FHOD3: variants seen among roughly 807,000 people sequenced by gnomAD.
FHOD3 encodes the protein formin homology 2 domain containing 3, also known as FH1/FH2 domain-containing protein 3.
A neutral mutation model predicts 173.0 loss-of-function variants in FHOD3; 90 were observed. That is an observed-to-expected ratio of 0.52 (90% CI 0.44 to 0.62). FHOD3 has a LOEUF of 0.62. Ranked by LOEUF, FHOD3 falls within the 20% of genes least tolerant of loss-of-function variation. FHOD3 has a pLI of 0.00. For missense variants in FHOD3, 1,945 were observed against 2,034.7 expected (o/e 0.96, Z 0.85); for synonymous variants, 828 against 823.0 (o/e 1.01, Z -0.10).
At chr18:36,675,811 G>C (rs2037820109) in intron 14 of FHOD3, among the ~76,000 whole-genome samples, 1 of 152,140 alleles carries the variant, frequency 6.6e-6, no homozygotes, top group Non-Finnish European at 1.5e-5. Context: ...AGATGAATGA[G>C]AAAATAGGAT....
chr18:36,693,576 T>C (rs909608684), intron 17 of FHOD3, among the ~76,000 whole-genome samples, 153 bp downstream of exon 17: 9 of 152,350 alleles, frequency 5.9e-5, no homozygotes, highest in Admixed American at 3.3e-4. Flanking sequence ...TGCAACTGCC[T>C]GGTCACTAAC....
intron 25 of FHOD3, among the ~76,000 whole-genome samples, chr18:36,756,067 G>A (rs997781901): frequency 6.6e-6 from 1 of 152,164 alleles, no homozygotes; most frequent in South Asian, 2.1e-4. Flanking sequence ...GATGCATGAC[G>A]ATGCCAGAGA....
intron 5 of FHOD3, among the ~76,000 whole-genome samples, chr18:36,541,149 G>A (rs1342090107): frequency 6.6e-6 from 1 of 151,190 alleles, no homozygotes; most frequent in Admixed American, 6.6e-5. Context: ...TACTCTGGAG[G>A]CTGAGGAAGG....
chr18:36,694,523 ACT>A (rs2039146888), intron 17 of FHOD3, among the ~76,000 whole-genome samples: 1 of 151,924 alleles, frequency 6.6e-6, no homozygotes, highest in Non-Finnish European at 1.5e-5. Flanking sequence ...AAATATTGAG[ACT>A]CTGAAAGTCA....
intron 3 of FHOD3, among the ~76,000 whole-genome samples, chr18:36,415,212 C>T (rs1451794527): frequency 6.6e-6 from 1 of 152,188 alleles, no homozygotes; most frequent in African/African-American, 2.4e-5. Flanking sequence ...AAGGTGAGTC[C>T]ACTGCCAGAA....
intron 5 of FHOD3, among the ~76,000 whole-genome samples, chr18:36,530,856 T>G (rs1454237770): frequency 6.6e-6 from 1 of 152,208 alleles, no homozygotes; most frequent in Non-Finnish European, 1.5e-5. Context: ...TGCTTCTTAG[T>G]AGCTGGGGCT....
intron 3 of FHOD3, among the ~76,000 whole-genome samples, chr18:36,431,008 T>A (rs990858331): frequency 6.6e-6 from 1 of 152,170 alleles, no homozygotes; most frequent in Non-Finnish European, 1.5e-5. Flanking sequence ...ATAGCTAACA[T>A]GTTGTAGGAC....
intron 3 of FHOD3, 52 bp from the exon 4 acceptor site, chr18:36,501,880 A>T: frequency 7.9e-7 from 1 of 1,268,974 alleles, no homozygotes; most frequent in Non-Finnish European, 1.1e-6. Context: ...CTGTGTTTTC[A>T]CTGTCAATAG....
intron 2 of FHOD3, among the ~76,000 whole-genome samples, chr18:36,358,512 TAGGTAG>T (rs1392928403): frequency 6.6e-6 from 1 of 152,094 alleles, no homozygotes; most frequent in African/African-American, 2.4e-5. Flanking sequence ...GTCCATCCAA[TAGGTAG>T]AGGTTGAATC....
rs1314855826 is a variant in FHOD3 at position 36,743,985 on chromosome 18, C to T, written c.3880-47C>T. On this transcript the variant is annotated intron_variant, in intron 22 of 28. Coordinates refer to ENST00000590592, the MANE Select transcript of FHOD3 (RefSeq NM_001281740.3). The stretch of plus-strand genomic sequence containing the variant: ...GATCCTAACCATCCTGTGCTATTCT[C>T]TAAGAGCCTGCTTGAAACATGTCTT... 3 of 1,608,850 alleles carry T rather than the reference C, an allele frequency of 1.9e-6. 1 individual carries two copies. The highest frequency in any genetic ancestry group is 8.5e-7 in the Non-Finnish European group (1 of 1,176,268).
intron 3 of FHOD3, among the ~76,000 whole-genome samples, chr18:36,437,671 T>TC (rs2050886431): frequency 8.3e-6 from 1 of 120,024 alleles, no homozygotes; most frequent in Non-Finnish European, 1.9e-5. Flanking sequence ...CTTTCTTTTT[T>TC]TTTTTTTTTT....
intron 3 of FHOD3, among the ~76,000 whole-genome samples, chr18:36,394,663 C>T (rs2048464962): frequency 6.6e-6 from 1 of 152,184 alleles, no homozygotes; most frequent in Non-Finnish European, 1.5e-5. Context: ...AGCTTCCTCT[C>T]TTAGTGGTAG....
At chr18:36,380,252 T>C (rs968859378) in intron 3 of FHOD3, among the ~76,000 whole-genome samples, 9 of 152,130 alleles carry the variant, frequency 5.9e-5, no homozygotes, top group Non-Finnish European at 1.2e-4. Context: ...TATTTTAGGA[T>C]AATTGAAAAA....
chr18:36,581,535 T>A (rs2058851219), intron 6 of FHOD3, among the ~76,000 whole-genome samples: 1 of 152,186 alleles, frequency 6.6e-6, no homozygotes, highest in Non-Finnish European at 1.5e-5. Flanking sequence ...CCCCATTGGA[T>A]CTCATCCTTC....
chr18:36,762,568 C>G lies in FHOD3; in HGVS notation c.4624+1786C>G, dbSNP rs12606822. Among the ~76,000 whole-genome samples the G allele has an allele frequency of 1.4e-3, 208 of 152,026 alleles. 1 individual carries two copies. The highest frequency in any genetic ancestry group is 4.9e-3 in the African/African-American group (205 of 41,478). On this transcript the variant is annotated intron_variant, in intron 27 of 28. Transcript: ENST00000590592. ...TCCCAGCACTTTGGGAGGCCGAGGT[C>G]GGTGGATCACTTGAGGTCAGGAGTT...
intron 7 of FHOD3, among the ~76,000 whole-genome samples, chr18:36,601,268 T>A (rs1375299279): frequency 1.3e-5 from 2 of 152,240 alleles, no homozygotes; most frequent in Non-Finnish European, 2.9e-5. Flanking sequence ...AAAGGCTTTC[T>A]ATTCACTTAG....
intron 27 of FHOD3, among the ~76,000 whole-genome samples, chr18:36,762,874 AAT>A (rs943968595): frequency 4.1e-5 from 6 of 148,024 alleles, no homozygotes; most frequent in East Asian, 1.9e-4. Flanking sequence ...CATAATATAT[AAT>A]ATGTTAAATT....
intron 10 of FHOD3, among the ~76,000 whole-genome samples, chr18:36,639,801 C>G (rs930645616): frequency 1.4e-5 from 2 of 147,004 alleles, no homozygotes; most frequent in Non-Finnish European, 1.5e-5. Flanking sequence ...ATATCTGTGG[C>G]TTAGAATAAA....
intron 1 of FHOD3, among the ~76,000 whole-genome samples, chr18:36,351,188 C>T (rs936836561): frequency 1.3e-5 from 2 of 152,154 alleles, no homozygotes; most frequent in Non-Finnish European, 2.9e-5. Flanking sequence ...CTTCCTATAG[C>T]CCCGCTGTGA....
Sources: gnomAD v4.1 joint callset for allele counts (sites outside exome capture counted in the v4.1 genomes callset) on GRCh38, gnomAD v4.1.1 for gene constraint, MANE v1.5 for transcripts, NCBI Gene and HGNC (gene_info 2026-07-23, HGNC 2026-07-21) for gene names.